ACACA: variants seen among roughly 807,000 people sequenced by gnomAD.
The protein encoded by ACACA is acetyl-CoA carboxylase 1.
ACACA carries 103 observed loss-of-function variants against 296.1 expected under a neutral mutation model. The observed-to-expected ratio is 0.35, with a 90% CI of 0.30 to 0.41. The LOEUF is 0.41. Among genes scored for constraint, ACACA ranks in the 10% least tolerant of loss-of-function variants. The pLI, the probability that ACACA is intolerant of heterozygous loss-of-function variation, is 1.00. For missense variants in ACACA, 1,554 were observed against 2,989.7 expected (o/e 0.52, Z 11.20); for synonymous variants, 953 against 1,038.6 (o/e 0.92, Z 1.58).
intron 1 of ACACA, among the ~76,000 whole-genome samples, chr17:37,359,511 C>A (rs1314944305): frequency 6.6e-6 from 1 of 152,122 alleles, no homozygotes; most frequent in Non-Finnish European, 1.5e-5. Context: ...GGGGCCAACC[C>A]CTCGGCTCCT....
At chr17:37,271,384 G>A (rs777941460) in intron 9 of ACACA, among the ~76,000 whole-genome samples, 19 of 152,058 alleles carry the variant, frequency 1.2e-4, no homozygotes, top group East Asian at 1.9e-4. Context: ...GTGTGATGGC[G>A]CATGCCTGTA....
In ACACA at chr17:37,397,272, A is replaced by T. The variant is rs1363090507; in HGVS notation, c.38+8990T>A. ...TAGTGTATATGTGCCACATTTTCTT[A>T]ATCCAGTCAATTACTTATCTTCTTA... On this transcript the variant is annotated intron_variant, in intron 1 of 55. Coordinates refer to ENST00000616317, the MANE Select transcript of ACACA (RefSeq NM_198834.3). Among the ~76,000 whole-genome samples the T allele has an allele frequency of 2.6e-5, 4 of 151,818 alleles. No homozygotes were observed. In the East Asian group the frequency reaches 7.7e-4, roughly 29 times the overall value.
At chr17:37,244,414 A>G (rs1379911270) in intron 21 of ACACA, among the ~76,000 whole-genome samples, 174 bp downstream of exon 21, 1 of 152,138 alleles carries the variant, frequency 6.6e-6, no homozygotes, top group East Asian at 1.9e-4. Context: ...AGTCCATGAC[A>G]AGGATAAGAA....
intron 3 of ACACA, among the ~76,000 whole-genome samples, chr17:37,317,805 GA>G (rs1202063815): frequency 1.3e-5 from 2 of 152,164 alleles, no homozygotes; most frequent in African/African-American, 4.8e-5. Flanking sequence ...TAAGTTTATA[GA>G]ATGCACTCCA....
intron 9 of ACACA, among the ~76,000 whole-genome samples, chr17:37,272,060 C>G (rs1248534875): frequency 6.6e-6 from 1 of 151,932 alleles, no homozygotes; most frequent in Non-Finnish European, 1.5e-5. Context: ...AATGTATCAC[C>G]AGGCCTGGCC....
intron 39 of ACACA, among the ~76,000 whole-genome samples, chr17:37,185,211 G>C (rs1290563345): frequency 6.6e-6 from 1 of 152,058 alleles, no homozygotes; most frequent in Non-Finnish European, 1.5e-5. Context: ...TTTATTATAA[G>C]TAAATTGCAC....
intron 3 of ACACA, among the ~76,000 whole-genome samples, chr17:37,307,947 GAA>G (rs35944181): frequency 1.4e-5 from 2 of 147,714 alleles, no homozygotes; most frequent in African/African-American, 4.9e-5. Flanking sequence ...ATAACAAGTA[GAA>G]AAAAAAAAAT....
chr17:37,311,098 T>A (rs192784677), intron 3 of ACACA, among the ~76,000 whole-genome samples: 28 of 152,300 alleles, frequency 1.8e-4, no homozygotes, highest in Admixed American at 1.6e-3. Flanking sequence ...TAGTCATTAG[T>A]GGTTTTTACG....
At position 37,302,507 on chromosome 17, in the gene ACACA, G is replaced by A. The variant is rs576681025; in HGVS notation, c.339-17537C>T. On this transcript the variant is annotated intron_variant, in intron 3 of 55. Transcript: ENST00000616317. Reference sequence around the variant, plus strand: ...TTACAGGCGTGAGCCACCACACCCGGCCGGTCTGGAACTCTTGACCTCAGG... The same window carrying A: ...TTACAGGCGTGAGCCACCACACCCGACCGGTCTGGAACTCTTGACCTCAGG... Among the ~76,000 whole-genome samples the A allele has an allele frequency of 1.3e-4, 19 of 150,014 alleles. No homozygotes were observed. In the South Asian group the frequency reaches 3.7e-3, roughly 29 times the overall value.
At chr17:37,338,953 A>C (rs1411405995) in intron 2 of ACACA, among the ~76,000 whole-genome samples, 1 of 152,176 alleles carries the variant, frequency 6.6e-6, no homozygotes, top group Admixed American at 6.5e-5. Context: ...AGAAAAAAAA[A>C]AAGGAAGAAA....
At chr17:37,208,492 C>T (rs934620459) in intron 30 of ACACA, among the ~76,000 whole-genome samples, 1 of 152,056 alleles carries the variant, frequency 6.6e-6, no homozygotes. Context: ...CCAAATTGCA[C>T]GTTTTTCTTT....
At chr17:37,136,202 A>G (rs2075325250) in intron 45 of ACACA, among the ~76,000 whole-genome samples, 1 of 152,004 alleles carries the variant, frequency 6.6e-6, no homozygotes, top group Non-Finnish European at 1.5e-5. Context: ...CATCATCCCA[A>G]AGTCTCCTCA....
chr17:37,258,094 C>T, intron 13 of ACACA, 118 bp downstream of exon 13: 5 of 1,314,416 alleles, frequency 3.8e-6, no homozygotes, highest in Admixed American at 2.0e-5. Context: ...CTCTGAGAAA[C>T]CTCTATGTTT....
chr17:37,186,738 T>C (rs9891027), intron 39 of ACACA, among the ~76,000 whole-genome samples: 72,620 of 151,794 alleles, frequency 0.48, 19,298 homozygotes, highest in East Asian at 0.75. Flanking sequence ...TTCCTTCAGG[T>C]TGAAGGTGGT....
At chr17:37,183,081 T>G (rs775237847) in intron 39 of ACACA, among the ~76,000 whole-genome samples, 3 of 152,194 alleles carry the variant, frequency 2.0e-5, no homozygotes, top group Non-Finnish European at 2.9e-5. Context: ...ATGAGAAAAC[T>G]GTACTCAGAG....
intron 11 of ACACA, among the ~76,000 whole-genome samples, chr17:37,263,038 G>A (rs571552405): frequency 5.3e-5 from 8 of 152,248 alleles, no homozygotes; most frequent in Admixed American, 1.3e-4. Context: ...CCAAGCCACT[G>A]TATTTTGAAG....
intron 1 of ACACA, among the ~76,000 whole-genome samples, chr17:37,346,745 T>C (rs1184636734): frequency 6.6e-6 from 1 of 152,050 alleles, no homozygotes; most frequent in African/African-American, 2.4e-5. Context: ...CCTGCTAGAT[T>C]ATGGAATTGC....
At chr17:37,109,810 C>CT (rs1469054297) in intron 52 of ACACA, among the ~76,000 whole-genome samples, 1 of 152,196 alleles carries the variant, frequency 6.6e-6, no homozygotes, top group African/African-American at 2.4e-5. Context: ...AAGGATCCCT[C>CT]TCCCTACCAC....
intron 27 of ACACA, among the ~76,000 whole-genome samples, chr17:37,224,627 A>G (rs1480380184): frequency 6.6e-6 from 1 of 152,120 alleles, no homozygotes; most frequent in African/African-American, 2.4e-5. Context: ...TTCAAATATC[A>G]TAAATCATCA....
Sources: gnomAD v4.1 joint callset for allele counts (sites outside exome capture counted in the v4.1 genomes callset) on GRCh38, gnomAD v4.1.1 for gene constraint, MANE v1.5 for transcripts, NCBI Gene and HGNC (gene_info 2026-07-23, HGNC 2026-07-21) for gene names.